Variants in RALYL observed in about 807,000 individuals in gnomAD.
RALYL encodes RNA-binding Raly-like protein.
A neutral mutation model predicts 35.1 loss-of-function variants in RALYL; 29 were observed. The ratio of observed to expected loss-of-function variants is 0.83; its 90% CI spans 0.61 to 1.13. RALYL has a LOEUF of 1.13. Among genes scored for constraint, RALYL ranks in the 50% most tolerant of loss-of-function variants. RALYL has a pLI of 0.00. For missense variants in RALYL, 359 were observed against 360.4 expected, an observed-to-expected ratio of 1.00 and a Z score of 0.03; for synonymous variants, 120 against 127.6, an observed-to-expected ratio of 0.94 and a Z score of 0.40.
chr8:84,630,234 T>C (rs893597023), intron 2 of RALYL, among the ~76,000 whole-genome samples: 4 of 152,034 alleles, frequency 2.6e-5, no homozygotes, highest in African/African-American at 9.7e-5. Flanking sequence ...AATGTTTCAC[T>C]AATTAGTAAC....
Position 84,774,610 on chromosome 8 carries a change from C to T in RALYL, c.288C>T (p.Tyr96=), listed in dbSNP as rs1206901146. ...DINMAGEPKP[Y]RPKPGNKRPL... ...ACATGGCAGGAGAGCCCAAACCATA[C>T]AGACCAAAACCTGGAAACAAGAGGC... The change falls in exon 3 of 9, where the codon TAC becomes TAT. Residue 96 remains tyrosine, a synonymous_variant. Coordinates refer to ENST00000521268, the MANE Select transcript of RALYL (RefSeq NM_173848.7). The T allele has an allele frequency of 4.4e-6, 7 of 1,608,762 alleles. No homozygotes were observed. The highest frequency in any genetic ancestry group is 5.9e-6 in the Non-Finnish European group (7 of 1,177,234).
rs1457065807 is a variant in RALYL, at chr8:84,282,750, G to A, written c.-24+98326G>A. Among the ~76,000 whole-genome samples, 24 of 896 alleles carry A rather than the reference G, an allele frequency of 0.027. No homozygotes were observed. The East Asian group carries it at 0.4, about 15-fold the overall frequency. The allele number at this position is 896 out of a possible 152,430, so 0.6% of individuals were successfully genotyped here. A position where few individuals can be genotyped will look rare whatever the true frequency, so the allele number is the denominator to read the frequency against. On this transcript the variant is annotated intron_variant, in intron 1 of 8. Coordinates refer to ENST00000521268, the MANE Select transcript of RALYL (RefSeq NM_173848.7). ...TATGTATCTATATATGTGTATGCGT[G>A]TGTGTGTGTGTGTGTGTGTGTGTGT...
chr8:84,671,675 T>C (rs1833271777), intron 2 of RALYL, among the ~76,000 whole-genome samples: 1 of 152,122 alleles, frequency 6.6e-6, no homozygotes, highest in African/African-American at 2.4e-5. Flanking sequence ...CACAGTTTAG[T>C]CAAGGCTGGA....
intron 1 of RALYL, among the ~76,000 whole-genome samples, chr8:84,223,209 C>CTCCCTTCCCTTCCCTTCACT (rs1554578634): frequency 1.1e-5 from 1 of 88,874 alleles, no homozygotes; most frequent in Non-Finnish European, 2.0e-5. Flanking sequence ...CCTTCCATTC[C>CTCCCTTCCCTTCCCTTCACT]TCCCTTCCCT....
At chr8:84,437,175 C>CA (rs1322383509) in intron 1 of RALYL, among the ~76,000 whole-genome samples, 1 of 152,100 alleles carries the variant, frequency 6.6e-6, no homozygotes, top group Non-Finnish European at 1.5e-5. Flanking sequence ...CAGCTGCATC[C>CA]ATGTTGCTGC....
intron 4 of RALYL, among the ~76,000 whole-genome samples, chr8:84,840,213 A>G (rs1479940819): frequency 8.0e-6 from 1 of 124,224 alleles, no homozygotes; most frequent in East Asian, 3.3e-4. Flanking sequence ...GAAGTAAAAA[A>G]CCTTGAAAAA....
chr8:84,513,506 A>G (rs1157610847), intron 1 of RALYL, among the ~76,000 whole-genome samples: 2 of 152,166 alleles, frequency 1.3e-5, no homozygotes, highest in African/African-American at 4.8e-5. Flanking sequence ...AAGCACATTC[A>G]ATTATGAGAG....
intron 2 of RALYL, among the ~76,000 whole-genome samples, chr8:84,674,183 G>T (rs1320637817): frequency 6.6e-6 from 1 of 152,024 alleles, no homozygotes; most frequent in East Asian, 1.9e-4. Flanking sequence ...CTTGACTGTT[G>T]TTGGTGTATA....
chr8:84,438,265 G>T (rs994305346), intron 1 of RALYL, among the ~76,000 whole-genome samples: 3 of 152,062 alleles, frequency 2.0e-5, no homozygotes, highest in African/African-American at 7.2e-5. Context: ...GTTCAATTAG[G>T]TCCTACTTAT....
chr8:84,866,843 C>CAGAGT (rs1338524717), intron 6 of RALYL, among the ~76,000 whole-genome samples: 6 of 151,946 alleles, frequency 3.9e-5, no homozygotes, highest in African/African-American at 1.2e-4. Flanking sequence ...AAAAACTGTG[C>CAGAGT]AGAGTATTGA....
intron 1 of RALYL, among the ~76,000 whole-genome samples, chr8:84,294,210 A>G (rs559153256): frequency 8.5e-5 from 13 of 152,282 alleles, no homozygotes; most frequent in African/African-American, 2.6e-4. Flanking sequence ...AGATAATAAA[A>G]TCGACAATTT....
At chr8:84,218,575 T>A (rs546992168) in intron 1 of RALYL, among the ~76,000 whole-genome samples, 28 of 152,170 alleles carry the variant, frequency 1.8e-4, no homozygotes, top group Admixed American at 1.4e-3. Flanking sequence ...CAGACTGATA[T>A]CAGGAAAATC....
chr8:84,776,959 A>T (rs1816978063), intron 3 of RALYL, among the ~76,000 whole-genome samples: 1 of 152,206 alleles, frequency 6.6e-6, no homozygotes, highest in Non-Finnish European at 1.5e-5. Flanking sequence ...AAACAGTAAT[A>T]AAGGGGATAC....
chr8:84,387,809 T>TC (rs1018840193), intron 1 of RALYL, among the ~76,000 whole-genome samples: 1 of 151,356 alleles, frequency 6.6e-6, no homozygotes, highest in Non-Finnish European at 1.5e-5. Context: ...CTTTCTTTTT[T>TC]TTTTTTTTTG....
At chr8:84,328,932 G>C (rs1254218733) in intron 1 of RALYL, among the ~76,000 whole-genome samples, 1 of 152,082 alleles carries the variant, frequency 6.6e-6, no homozygotes, top group African/African-American at 2.4e-5. Context: ...TGCAAAGGAC[G>C]TGATTTCATT....
chr8:84,785,462 A>G (rs1479936634), intron 3 of RALYL, among the ~76,000 whole-genome samples: 1 of 152,158 alleles, frequency 6.6e-6, no homozygotes, highest in Non-Finnish European at 1.5e-5. Context: ...ACATTCTGGG[A>G]TTCTGCTGTT....
At chr8:84,462,479 G>C (rs2050920664) in intron 1 of RALYL, among the ~76,000 whole-genome samples, 1 of 149,760 alleles carries the variant, frequency 6.7e-6, no homozygotes, top group Non-Finnish European at 1.5e-5. Flanking sequence ...CCAAACCTAA[G>C]GTCACCTAGA....
chr8:84,330,523 A>C (rs1846620518), intron 1 of RALYL, among the ~76,000 whole-genome samples: 1 of 152,078 alleles, frequency 6.6e-6, no homozygotes. Flanking sequence ...GGATACACTC[A>C]TAAAATGGAT....
intron 2 of RALYL, among the ~76,000 whole-genome samples, chr8:84,722,551 G>A (rs1844122538): frequency 6.9e-6 from 1 of 145,190 alleles, no homozygotes; most frequent in Non-Finnish European, 1.5e-5. Context: ...GAGGGAAACA[G>A]GTCAGGGCCA....
Sources: gnomAD v4.1 joint callset for allele counts (sites outside exome capture counted in the v4.1 genomes callset) on GRCh38, gnomAD v4.1.1 for gene constraint, MANE v1.5 for transcripts, NCBI Gene and HGNC (gene_info 2026-07-23, HGNC 2026-07-21) for gene names.